The following SMARCA2 variants were observed in gnomAD, a reference collection of about 807,000 sequenced individuals.
SMARCA2 encodes the protein SWI/SNF-related matrix-associated actin-dependent regulator of chromatin subfamily A member 2.
SMARCA2 carries 61 observed loss-of-function variants against 199.8 expected under a neutral mutation model. The observed-to-expected ratio is 0.31, with a 90% confidence interval of 0.25 to 0.38. The LOEUF is 0.38. Ranked by LOEUF, SMARCA2 falls within the 10% of genes least tolerant of loss-of-function variation. SMARCA2 has a pLI of 1.00. For synonymous variants in SMARCA2, 935 were observed against 732.0 expected, an observed-to-expected ratio of 1.28 and a Z score of -4.48; for missense variants, 1,344 against 2,012.2, an observed-to-expected ratio of 0.67 and a Z score of 6.35.
chr9:2,129,068 C>A (rs1276058570), intron 27 of SMARCA2, among the ~76,000 whole-genome samples: 3 of 152,162 alleles, frequency 2.0e-5, no homozygotes, highest in African/African-American at 4.8e-5. Flanking sequence ...GAACAACTCA[C>A]AGAACTCAGG....
At position 2,047,492 on chromosome 9, in the gene SMARCA2, A is replaced by AC; in HGVS notation, c.1046+12dup. On this transcript the variant is annotated intron_variant, in intron 5 of 33. Coordinates refer to ENST00000349721, the MANE Select transcript of SMARCA2 (RefSeq NM_003070.5). Reference sequence around the variant, plus strand: ...GCAAGAGCGGGAATACAGGTAACGCACCCCGCCAGCAAGGGGCCCCCTGCG... The same window carrying AC: ...GCAAGAGCGGGAATACAGGTAACGCACCCCCGCCAGCAAGGGGCCCCCTGCG... The AC allele has an allele frequency of 7.1e-7, 1 of 1,411,012 alleles. No individual in the cohort carries two copies. The allele number at this position is 1,411,012 out of a possible 1,614,324, so 87.4% of individuals were successfully genotyped here. A position where few individuals can be genotyped will look rare whatever the true frequency, so the allele number is the denominator to read the frequency against.
At chr9:2,038,284 G>A (rs1819421219) in intron 3 of SMARCA2, among the ~76,000 whole-genome samples, 2 of 152,150 alleles carry the variant, frequency 1.3e-5, no homozygotes, top group African/African-American at 2.4e-5. Flanking sequence ...AAAAAATGTG[G>A]TAACAGTATA....
chr9:2,100,702 C>CA lies in SMARCA2; in HGVS notation c.3079-855dup, dbSNP rs923678613. Among the ~76,000 whole-genome samples, 645 of 109,942 alleles carry CA rather than the reference C, an allele frequency of 5.9e-3. 2 individuals are homozygous for CA. The highest frequency in any genetic ancestry group is 0.013 in the African/African-American group (377 of 29,362). 72.1% of individuals were successfully genotyped at this position (109,942 alleles called of 152,430 possible). A position where few individuals can be genotyped will look rare whatever the true frequency, so the allele number is the denominator to read the frequency against. ...TGGGCAACAGAGTGAGACTCTGTCT[C>CA]AAAAAAAAAAAAAGAAAAGATTTCA... On this transcript the variant is annotated intron_variant, in intron 21 of 33. Transcript: ENST00000349721.
At chr9:2,032,894 C>A in intron 2 of SMARCA2, 58 bp from the exon 3 acceptor site, 1 of 1,534,114 alleles carries the variant, frequency 6.5e-7, no homozygotes. Context: ...CTGAAAACTC[C>A]AAATAGAAAT....
At chr9:2,052,474 TCAAA>T (rs1217865078) in intron 5 of SMARCA2, among the ~76,000 whole-genome samples, 1 of 150,904 alleles carries the variant, frequency 6.6e-6, no homozygotes, top group Non-Finnish European at 1.5e-5. Context: ...AGACTCCATC[TCAAA>T]CAAACAAAGA....
chr9:2,050,949 A>G (rs1820092032), intron 5 of SMARCA2, among the ~76,000 whole-genome samples: 1 of 152,228 alleles, frequency 6.6e-6, no homozygotes, highest in Non-Finnish European at 1.5e-5. Flanking sequence ...CTAATTCTGC[A>G]TCAATTTTCT....
intron 5 of SMARCA2, among the ~76,000 whole-genome samples, chr9:2,053,031 A>G (rs1052244105): frequency 2.5e-4 from 38 of 152,326 alleles, no homozygotes; most frequent in African/African-American, 8.7e-4. Flanking sequence ...TAACATGGGT[A>G]TGTTGCATGA....
chr9:2,164,477 T>C (rs1825845391), intron 28 of SMARCA2, among the ~76,000 whole-genome samples: 2 of 152,200 alleles, frequency 1.3e-5, no homozygotes, highest in Non-Finnish European at 2.9e-5. Flanking sequence ...GATTCATTAC[T>C]GCGCCTGCCT....
intron 27 of SMARCA2, among the ~76,000 whole-genome samples, chr9:2,148,501 A>T (rs1314138505): frequency 2.0e-5 from 3 of 151,338 alleles, no homozygotes; most frequent in Non-Finnish European, 3.0e-5. Flanking sequence ...TTATTTTATT[A>T]TTATTATACT....
In SMARCA2 at chr9:2,104,146, A is replaced by G; in HGVS notation, c.3269A>G (p.Asn1090Ser). 6 of 1,614,004 alleles carry G rather than the reference A, an allele frequency of 3.7e-6. No individual in the cohort carries two copies. The highest frequency in any genetic ancestry group is 4.2e-6 in the Non-Finnish European group (5 of 1,179,960). The change falls in exon 23 of 34, where the codon AAC becomes AGC. Residue 1090 changes from asparagine (N) to serine (S), a missense_variant. Asn to Ser is a conservative substitution (Grantham distance 46). Coordinates refer to ENST00000349721, the MANE Select transcript of SMARCA2 (RefSeq NM_003070.5). The surrounding 1 kb of genome is among the most constrained non-coding windows in gnomAD (Gnocchi z 4.0). ...TIMEDYFAFR[N>S]FLYLRLDGTT... ...ATGGAGGATTATTTTGCTTTTCGGA[A>G]CTTCCTTTACCTACGCCTTGATGGT...
chr9:2,192,458 G>A (rs965757336), intron 33 of SMARCA2: 3 of 504,024 alleles, frequency 6.0e-6, no homozygotes, highest in Non-Finnish European at 1.1e-5. Flanking sequence ...TCAAGCCAAA[G>A]TGAAAGGGCA....
Position 2,191,330 on chromosome 9 carries a change from A to T in SMARCA2, c.4659A>T (p.Lys1553Asn), listed in dbSNP as rs149931024. 5 of 1,614,226 alleles carry T rather than the reference A, an allele frequency of 3.1e-6. No individual in the cohort carries two copies. Among genetic ancestry groups the T allele is most frequent in the Non-Finnish European group, 4.2e-6 (5 of 1,180,024 alleles). Residue 1553 changes from lysine (K) to asparagine (N), a missense_variant, in exon 33 of 34, where the codon AAA becomes AAT. This residue lies in a region of SMARCA2 where 155 missense variants were observed against 121.1 expected (regional missense o/e 1.28). Transcript: ENST00000349721. The stretch of plus-strand genomic sequence containing the variant: ...ATGACAAAGGCCGGGACAAAGGGAA[A>T]GGCAAGAAAAGGCCAAATCGAGGAA... ...KKDDKGRDKG[K>N]GKKRPNRGKA...
In SMARCA2 at chr9:2,015,818, T is replaced by G. The variant is rs73377051; in HGVS notation, c.-37+414T>G. ...CCAACTCAAGGTTGCAACACACACA[T>G]TGGGCCAGGTTGCAATCCCCCCATC... On this transcript the variant is annotated intron_variant, in intron 1 of 33. Transcript: ENST00000349721. Among the ~76,000 whole-genome samples the G allele has an allele frequency of 2.9e-3, 438 of 152,178 alleles. 2 individuals are homozygous for G. Among genetic ancestry groups the G allele is most frequent in the African/African-American group, 0.01 (417 of 41,506 alleles).
chr9:2,149,220 A>G (rs907547575), intron 27 of SMARCA2, among the ~76,000 whole-genome samples: 1 of 151,294 alleles, frequency 6.6e-6, no homozygotes, highest in African/African-American at 2.4e-5. Context: ...AGAGAGATGC[A>G]AAAGTGGAAA....
Position 2,047,368 on chromosome 9 carries a change from G to A in SMARCA2, c.930G>A (p.Pro310=), listed in dbSNP as rs1463896372. Residue 310 remains proline, a synonymous_variant, in exon 5 of 34, where the codon CCG becomes CCA. Coordinates refer to ENST00000349721, the MANE Select transcript of SMARCA2 (RefSeq NM_003070.5). ...AAVPGPSVPQ[P]APGQPSPVLQ... ...TGCCCGGGCCCTCAGTGCCGCAGCC[G>A]GCCCCGGGGCAGCCCTCGCCCGTCC... 1.3e-6 allele frequency: 2 copies of A among 1,529,120 alleles called. No homozygotes were observed. Among genetic ancestry groups the A allele is most frequent in the Non-Finnish European group, 1.8e-6 (2 of 1,137,930 alleles). The allele number at this position is 1,529,120 out of a possible 1,614,324, so 94.7% of individuals were successfully genotyped here.
chr9:2,067,578 G>T (rs1183783276), intron 9 of SMARCA2, among the ~76,000 whole-genome samples: 1 of 152,176 alleles, frequency 6.6e-6, no homozygotes, highest in Non-Finnish European at 1.5e-5. Context: ...TCCTGCAGAA[G>T]CCCTAGGAAG....
chr9:2,118,341 A>AT (rs750496618), intron 25 of SMARCA2, among the ~76,000 whole-genome samples: 1 of 152,104 alleles, frequency 6.6e-6, no homozygotes, highest in Non-Finnish European at 1.5e-5. Context: ...TGAATTGTAG[A>AT]TTTTTTTACT....
intron 32 of SMARCA2, among the ~76,000 whole-genome samples, chr9:2,186,689 C>G (rs895320470): frequency 1.3e-5 from 2 of 152,088 alleles, no homozygotes; most frequent in African/African-American, 4.8e-5. Context: ...CCACGCCCGG[C>G]TAATTTTTAT....
chr9:2,051,045 C>G (rs1027314112), intron 5 of SMARCA2, among the ~76,000 whole-genome samples: 1 of 152,188 alleles, frequency 6.6e-6, no homozygotes, highest in Non-Finnish European at 1.5e-5. Flanking sequence ...AATCCTGAAT[C>G]TCTTTATCGG....
Sources: allele counts gnomAD v4.1 joint callset (sites outside exome capture counted in the v4.1 genomes callset), GRCh38; gene constraint gnomAD v4.1.1; regional missense constraint gnomAD v4.1.1; non-coding constraint Gnocchi (gnomAD v3.1); transcripts MANE v1.5; gene names NCBI Gene and HGNC (gene_info 2026-07-23, HGNC 2026-07-21).